Variants in RNF216 observed in about 807,000 individuals in gnomAD.
The protein encoded by RNF216 is E3 ubiquitin-protein ligase RNF216.
Under a neutral mutation model 110.8 loss-of-function variants are expected in RNF216, and 72 were observed. The ratio of observed to expected loss-of-function variants is 0.65; its 90% CI spans 0.54 to 0.79. The LOEUF (loss-of-function observed/expected upper bound fraction) is 0.79, where lower values mean the gene tolerates loss of function less well. Among genes scored for constraint, RNF216 ranks in the 30% least tolerant of loss-of-function variants. The probability of loss-of-function intolerance (pLI) is 0.00; values close to 1 mark genes in which losing one functional copy is unlikely to be tolerated. For synonymous variants in RNF216, 495 were observed against 407.5 expected (o/e 1.21, Z -2.59); for missense variants, 1,342 against 1,141.2 (o/e 1.18, Z -2.54).
intron 3 of RNF216, among the ~76,000 whole-genome samples, chr7:5,750,062 A>G (rs1294061974): frequency 6.6e-6 from 1 of 152,212 alleles, no homozygotes; most frequent in Non-Finnish European, 1.5e-5. Flanking sequence ...CAAACTATTC[A>G]TGAGTATTCT....
chr7:5,716,539 T>C (rs1456786167), intron 10 of RNF216, among the ~76,000 whole-genome samples, 177 bp downstream of exon 10: 1 of 151,934 alleles, frequency 6.6e-6, no homozygotes, highest in African/African-American at 2.4e-5. Flanking sequence ...TGATTCAGTG[T>C]GGTATAAGAG....
intron 1 of RNF216, among the ~76,000 whole-genome samples, chr7:5,778,617 T>G (rs965042106): frequency 2.0e-4 from 31 of 152,198 alleles, no homozygotes; most frequent in African/African-American, 7.2e-4. Context: ...TCAGAATAAA[T>G]AGCACTCACT....
At chr7:5,660,458 AT>A (rs1789043093) in intron 13 of RNF216, among the ~76,000 whole-genome samples, 1 of 150,136 alleles carries the variant, frequency 6.7e-6, no homozygotes, top group Non-Finnish European at 1.5e-5. Context: ...CACCTGGCTA[AT>A]TTTTCTATTT....
At chr7:5,759,393 T>C (rs954335945) in intron 2 of RNF216, among the ~76,000 whole-genome samples, 1 of 152,190 alleles carries the variant, frequency 6.6e-6, no homozygotes, top group African/African-American at 2.4e-5. Flanking sequence ...AATGTGAGGA[T>C]GATGAAGATG....
intron 13 of RNF216, among the ~76,000 whole-genome samples, chr7:5,690,866 G>A (rs964626794): frequency 6.6e-6 from 1 of 152,080 alleles, no homozygotes; most frequent in Non-Finnish European, 1.5e-5. Flanking sequence ...TAACACATAC[G>A]CACATGTGTA....
intron 15 of RNF216, among the ~76,000 whole-genome samples, chr7:5,632,346 G>C (rs1787124213): frequency 6.6e-6 from 1 of 152,210 alleles, no homozygotes; most frequent in Non-Finnish European, 1.5e-5. Context: ...GCCTGAATGA[G>C]TTCTGTCTCT....
At chr7:5,759,161 C>T (rs529956919) in intron 2 of RNF216, among the ~76,000 whole-genome samples, 1 of 152,244 alleles carries the variant, frequency 6.6e-6, no homozygotes, top group East Asian at 1.9e-4. Flanking sequence ...GTGAGACAAG[C>T]GTGCTTCCCC....
Position 5,758,239 on chromosome 7 carries a change from C to A in RNF216, c.67+2764G>T, listed in dbSNP as rs1795752127. On this transcript the variant is annotated intron_variant, in intron 2 of 16. Coordinates refer to ENST00000389902, the MANE Select transcript of RNF216 (RefSeq NM_207111.4). ...GAAAATTTTGAAATGATCGTAAATA[C>A]AAGTTATAACTAAGATTTAAAATTG... Among the ~76,000 whole-genome samples, 3 of 152,124 alleles carry A rather than the reference C, an allele frequency of 2.0e-5. No homozygotes were observed. The South Asian group carries it at 6.2e-4, about 31-fold the overall frequency.
At chr7:5,657,932 G>A (rs1375923394) in intron 13 of RNF216, among the ~76,000 whole-genome samples, 1 of 152,208 alleles carries the variant, frequency 6.6e-6, no homozygotes, top group African/African-American at 2.4e-5. Context: ...GGTCAAGAAT[G>A]CACATAACAG....
chr7:5,694,001 A>C (rs1791483686), intron 13 of RNF216, among the ~76,000 whole-genome samples: 1 of 152,222 alleles, frequency 6.6e-6, no homozygotes, highest in Admixed American at 6.5e-5. Flanking sequence ...CAAGCAAAGA[A>C]CATGAGAGAA....
Position 5,640,382 on chromosome 7 carries a change from G to A in RNF216, c.2382+772C>T, listed in dbSNP as rs577071019. Among the ~76,000 whole-genome samples, 3 of 152,254 alleles carry A rather than the reference G, an allele frequency of 2.0e-5. No individual in the cohort carries two copies. In the South Asian group the frequency reaches 6.2e-4, roughly 32 times the overall value. Reference sequence around the variant, plus strand: ...CAGCGTAGTAGCTAGTGTGACCTGGGAAACATAGCCCCTACAATGCCCTGA... The same window carrying A: ...CAGCGTAGTAGCTAGTGTGACCTGGAAAACATAGCCCCTACAATGCCCTGA... On this transcript the variant is annotated intron_variant, in intron 15 of 16. Transcript: ENST00000389902.
At chr7:5,730,592 G>A (rs1233453743) in intron 6 of RNF216, 123 bp downstream of exon 6, 24 of 1,347,976 alleles carry the variant, frequency 1.8e-5, no homozygotes, top group Admixed American at 1.6e-4. Context: ...TATGTCCCTC[G>A]GCTAGTCTTT....
At chr7:5,719,843 C>T (rs1380869904) in intron 9 of RNF216, among the ~76,000 whole-genome samples, 6 of 152,160 alleles carry the variant, frequency 3.9e-5, no homozygotes, top group Admixed American at 3.9e-4. Flanking sequence ...TGCTTTGTGG[C>T]TCAGTTGCAT....
At chr7:5,719,445 G>A (rs1793274767) in intron 9 of RNF216, among the ~76,000 whole-genome samples, 1 of 152,210 alleles carries the variant, frequency 6.6e-6, no homozygotes, top group African/African-American at 2.4e-5. Flanking sequence ...GAAAGCAGAA[G>A]CTGAAACGGG....
Position 5,712,629 on chromosome 7 carries a change from C to A in RNF216, c.1982+86G>T, listed in dbSNP as rs112806739. 2.5e-4 allele frequency: 326 copies of A among 1,327,498 alleles called. 1 individual carries two copies. The Middle Eastern group carries it at 4.1e-3, about 17-fold the overall frequency. The allele number at this position is 1,327,498 out of a possible 1,614,324, so 82.2% of individuals were successfully genotyped here. A position where few individuals can be genotyped will look rare whatever the true frequency, so the allele number is the denominator to read the frequency against. On this transcript the variant is annotated intron_variant, in intron 12 of 16. Coordinates refer to ENST00000389902, the MANE Select transcript of RNF216 (RefSeq NM_207111.4). The stretch of plus-strand genomic sequence containing the variant: ...TGTCAAAAAACCTGGAAGATAAACA[C>A]AATTTTCATCATCTGATGCAAGTGC...
At chr7:5,628,054 C>G (rs1354073986) in intron 15 of RNF216, among the ~76,000 whole-genome samples, 2 of 152,204 alleles carry the variant, frequency 1.3e-5, no homozygotes, top group African/African-American at 4.8e-5. Context: ...ATAGAACCTT[C>G]CCAGCCTGCC....
rs557694869 is a variant in RNF216 at position 5,731,841 on chromosome 7, T to C, written c.1122-1024A>G. ...AACAGGAGGTCTGGCAGAAAGAGGG[T>C]AGAGAAAAAGTGCTCAGCTCTGCTC... On this transcript the variant is annotated intron_variant, in intron 5 of 16. Transcript: ENST00000389902. Among the ~76,000 whole-genome samples, 321 of 144,496 alleles carry C rather than the reference T, an allele frequency of 2.2e-3. 15 individuals carry two copies. Among genetic ancestry groups the C allele is most frequent in the African/African-American group, 8.3e-3 (287 of 34,442 alleles). 94.8% of individuals were successfully genotyped at this position (144,496 alleles called of 152,430 possible).
intron 13 of RNF216, among the ~76,000 whole-genome samples, chr7:5,687,183 G>A (rs1033105081): frequency 1.3e-5 from 2 of 152,078 alleles, no homozygotes; most frequent in African/African-American, 2.4e-5. Flanking sequence ...ATCACCTGAG[G>A]TCAGGAGTTT....
intron 13 of RNF216, among the ~76,000 whole-genome samples, chr7:5,692,938 C>T (rs1791421592): frequency 6.6e-6 from 1 of 152,224 alleles, no homozygotes; most frequent in African/African-American, 2.4e-5. Flanking sequence ...TCTATCCTTC[C>T]AAATAGATTT....
Sources: allele counts gnomAD v4.1 joint callset (sites outside exome capture counted in the v4.1 genomes callset), GRCh38; gene constraint gnomAD v4.1.1; transcripts MANE v1.5; gene names NCBI Gene and HGNC (gene_info 2026-07-23, HGNC 2026-07-21).